Variants in EFCAB6 observed in about 807,000 individuals in gnomAD.
EFCAB6 encodes the protein EF-hand calcium binding domain 6.
EFCAB6 carries 156 observed loss-of-function variants against 169.8 expected under a neutral mutation model. The ratio of observed to expected loss-of-function variants is 0.92; its 90% CI spans 0.81 to 1.05. EFCAB6 has a LOEUF of 1.05. Among genes scored for constraint, EFCAB6 ranks in the 50% least tolerant of loss-of-function variants. EFCAB6 has a pLI of 0.00. For missense variants in EFCAB6, 1,800 were observed against 1,829.1 expected (o/e 0.98, Z 0.29); for synonymous variants, 698 against 676.4 (o/e 1.03, Z -0.50).
intron 3 of EFCAB6, among the ~76,000 whole-genome samples, chr22:43,774,836 G>A (rs948810912): frequency 1.3e-5 from 2 of 151,808 alleles, no homozygotes; most frequent in African/African-American, 4.8e-5. Flanking sequence ...AAGAGATGAC[G>A]GGAAAAGTCA....
At chr22:43,629,524 T>C (rs140113692) in intron 19 of EFCAB6, among the ~76,000 whole-genome samples, 3 of 152,212 alleles carry the variant, frequency 2.0e-5, no homozygotes, top group African/African-American at 7.2e-5. Flanking sequence ...GTCATGTGCA[T>C]TGTGGCAGGC....
chr22:43,740,191 C>T (rs1023878471), intron 6 of EFCAB6, among the ~76,000 whole-genome samples: 11 of 152,160 alleles, frequency 7.2e-5, no homozygotes, highest in African/African-American at 2.7e-4. Context: ...TCCCTAGTCA[C>T]CATGCAAATT....
intron 16 of EFCAB6, 134 bp downstream of exon 16, chr22:43,668,738 G>A (rs2146945439): frequency 1.3e-6 from 1 of 794,018 alleles, no homozygotes; most frequent in East Asian, 3.2e-5. Flanking sequence ...TCTAATTACT[G>A]TCTTTCTAGT....
chr22:43,701,408 A>G (rs1021744662), intron 10 of EFCAB6, among the ~76,000 whole-genome samples: 2 of 152,350 alleles, frequency 1.3e-5, no homozygotes, highest in African/African-American at 4.8e-5. Context: ...TAACTCTGAA[A>G]GTATGAGGAA....
At chr22:43,600,016 C>T in intron 23 of EFCAB6, 53 bp downstream of exon 23, 1 of 1,551,888 alleles carries the variant, frequency 6.4e-7, no homozygotes, top group East Asian at 2.3e-5. Context: ...GCTGTGAGGC[C>T]AGATGTAAAA....
chr22:43,538,475 G>A (rs1417489893), intron 28 of EFCAB6, among the ~76,000 whole-genome samples: 1 of 152,040 alleles, frequency 6.6e-6, no homozygotes, highest in Non-Finnish European at 1.5e-5. Flanking sequence ...TGCAACCTCC[G>A]CTTCCCAGGT....
At position 43,718,051 on chromosome 22, in the gene EFCAB6, TCCATCCATCCAC is replaced by T. The variant is rs941990044; in HGVS notation, c.758-1091_758-1080del. 5.2e-4 allele frequency among the ~76,000 whole-genome samples: 42 copies of T among 80,000 alleles called. No individual in the cohort carries two copies. In the East Asian group the frequency reaches 8.8e-3, roughly 17 times the overall value. The allele number at this position is 80,000 out of a possible 152,430, so 52.5% of individuals were successfully genotyped here. On this transcript the variant is annotated intron_variant, in intron 8 of 31. Coordinates refer to ENST00000262726, the MANE Select transcript of EFCAB6 (RefSeq NM_022785.4). ...TTTTGTATATCTTTCTATGCATCCA[TCCATCCATCCAC>T]CCATCCATCCATCCATCCATCCATG...
chr22:43,737,053 G>C (rs574955939), intron 6 of EFCAB6, among the ~76,000 whole-genome samples: 6 of 151,938 alleles, frequency 3.9e-5, no homozygotes, highest in African/African-American at 1.2e-4. Context: ...ATATATGCTT[G>C]ACTCCCTCCT....
intron 2 of EFCAB6, among the ~76,000 whole-genome samples, chr22:43,790,361 ATTT>A (rs752124925): frequency 5.3e-5 from 8 of 152,256 alleles, no homozygotes; most frequent in Non-Finnish European, 1.2e-4. Context: ...GTCAACACAT[ATTT>A]ACTCAGTTCC....
At chr22:43,645,888 G>A (rs1322143669) in intron 17 of EFCAB6, among the ~76,000 whole-genome samples, 1 of 152,030 alleles carries the variant, frequency 6.6e-6, no homozygotes, top group Non-Finnish European at 1.5e-5. Flanking sequence ...GAGACTGAAA[G>A]ATGAGGTGAC....
intron 20 of EFCAB6, among the ~76,000 whole-genome samples, chr22:43,624,090 T>C (rs1398482033): frequency 1.2e-4 from 19 of 152,172 alleles, no homozygotes; most frequent in Admixed American, 1.2e-3. Context: ...GACATGTCAC[T>C]AACTGTTCTC....
intron 2 of EFCAB6, among the ~76,000 whole-genome samples, chr22:43,797,938 C>G (rs530755755): frequency 3.3e-5 from 5 of 152,308 alleles, no homozygotes; most frequent in African/African-American, 1.2e-4. Flanking sequence ...CTATTCCTCG[C>G]CCCTCTCTGA....
At position 43,672,664 on chromosome 22, in the gene EFCAB6, C is replaced by A. The variant is rs1314799430; in HGVS notation, c.1420-359G>T. ...GAACTCATGGACACATAGAGGAGAA[C>A]AATGCACACTGGGGCCTATCGGAGA... On this transcript the variant is annotated intron_variant, in intron 13 of 31. Coordinates refer to ENST00000262726, the MANE Select transcript of EFCAB6 (RefSeq NM_022785.4). 2.0e-5 allele frequency among the ~76,000 whole-genome samples: 3 copies of A among 152,056 alleles called. No individual in the cohort carries two copies. The South Asian group carries it at 6.2e-4, about 32-fold the overall frequency.
intron 25 of EFCAB6, among the ~76,000 whole-genome samples, chr22:43,578,788 AGGC>A: frequency 1.0e-5 from 1 of 96,138 alleles, no homozygotes; most frequent in Non-Finnish European, 2.4e-5. Context: ...CCCTACACGC[AGGC>A]ATCATTCCCT....
intron 20 of EFCAB6, among the ~76,000 whole-genome samples, chr22:43,620,439 C>A (rs1451073716): frequency 2.0e-5 from 3 of 151,824 alleles, no homozygotes; most frequent in Non-Finnish European, 4.4e-5. Context: ...GACCATGGAA[C>A]AACATTTTTA....
chr22:43,773,561 C>T (rs1296580363), intron 3 of EFCAB6, among the ~76,000 whole-genome samples: 1 of 152,142 alleles, frequency 6.6e-6, no homozygotes, highest in African/African-American at 2.4e-5. Context: ...TAAAAATGTT[C>T]CGAGGGCTGG....
At chr22:43,749,685 G>A (rs73174362) in intron 6 of EFCAB6, among the ~76,000 whole-genome samples, 3 of 152,014 alleles carry the variant, frequency 2.0e-5, no homozygotes, top group South Asian at 2.1e-4. Flanking sequence ...TCTGGTTCCC[G>A]ACAGGCCACC....
In EFCAB6 at chr22:43,592,692, G is replaced by A. The variant is rs892665553; in HGVS notation, c.2877-2463C>T. The stretch of plus-strand genomic sequence containing the variant: ...TGGGCAACAAGACAGAGGCCAGAAG[G>A]GGGCACTGTTATGGCCAATGGACGG... On this transcript the variant is annotated intron_variant, in intron 23 of 31. Transcript: ENST00000262726. 2.8e-4 allele frequency among the ~76,000 whole-genome samples: 42 copies of A among 152,206 alleles called. 1 individual carries two copies. Among genetic ancestry groups the A allele is most frequent in the East Asian group, 1.9e-4 (1 of 5,156 alleles).
chr22:43,589,169 T>C (rs1028958334), intron 24 of EFCAB6, among the ~76,000 whole-genome samples: 39 of 150,890 alleles, frequency 2.6e-4, no homozygotes, highest in Non-Finnish European at 4.0e-4. Context: ...GTAATCCCAG[T>C]ACTTTGGGAG....
Sources: gnomAD v4.1 joint callset for allele counts (sites outside exome capture counted in the v4.1 genomes callset) on GRCh38, gnomAD v4.1.1 for gene constraint, MANE v1.5 for transcripts, NCBI Gene and HGNC (gene_info 2026-07-23, HGNC 2026-07-21) for gene names.